Variants in MB21D2 observed in about 807,000 individuals in gnomAD.
The protein encoded by MB21D2 is nucleotidyltransferase MB21D2.
A neutral mutation model predicts 33.3 loss-of-function variants in MB21D2; 9 were observed. The observed-to-expected ratio is 0.27, with a 90% CI of 0.16 to 0.47. MB21D2 has a LOEUF of 0.47. Among genes scored for constraint, MB21D2 ranks in the 20% least tolerant of loss-of-function variants. MB21D2 has a pLI of 0.99. For synonymous variants in MB21D2, 241 were observed against 236.3 expected (o/e 1.02, Z -0.18); for missense variants, 540 against 624.6 (o/e 0.86, Z 1.44).
At chr3:192,839,609 T>A (rs1226096809) in intron 1 of MB21D2, among the ~76,000 whole-genome samples, 2 of 152,212 alleles carry the variant, frequency 1.3e-5, no homozygotes, top group Non-Finnish European at 2.9e-5. Context: ...CATATACATA[T>A]ATGTGTCTGT....
At chr3:192,869,338 G>A (rs13098415) in intron 1 of MB21D2, among the ~76,000 whole-genome samples, 1 of 150,306 alleles carries the variant, frequency 6.7e-6, no homozygotes, top group Admixed American at 6.6e-5. Context: ...GGGAAGGAGG[G>A]AAGGGAGGAA....
At chr3:192,854,859 G>A (rs1449680109) in intron 1 of MB21D2, among the ~76,000 whole-genome samples, 1 of 152,182 alleles carries the variant, frequency 6.6e-6, no homozygotes, top group Non-Finnish European at 1.5e-5. Flanking sequence ...ACAGCGTGGT[G>A]AATTACTGAA....
intron 1 of MB21D2, among the ~76,000 whole-genome samples, chr3:192,905,758 G>A (rs1402829863): frequency 3.3e-5 from 5 of 151,762 alleles, no homozygotes; most frequent in Admixed American, 6.6e-5. Flanking sequence ...GCTTCAGCCC[G>A]GGAGGTTGAG....
rs563175114 is a variant in MB21D2, at chr3:192,814,679, G to A, written c.212-15029C>T. 3.4e-4 allele frequency among the ~76,000 whole-genome samples: 52 copies of A among 151,400 alleles called. 2 individuals are homozygous for A. The South Asian group carries it at 8.5e-3, about 25-fold the overall frequency. ...AGATCGAGACCATCCTGGCTAACACGGTGAAACCCTGTCTCTACTAAAAAA... is the reference window on the plus strand; with the variant it reads ...AGATCGAGACCATCCTGGCTAACACAGTGAAACCCTGTCTCTACTAAAAAA... On this transcript the variant is annotated intron_variant, in intron 1 of 1. Transcript: ENST00000392452.
At chr3:192,870,089 C>T (rs901204001) in intron 1 of MB21D2, among the ~76,000 whole-genome samples, 11 of 152,170 alleles carry the variant, frequency 7.2e-5, no homozygotes, top group Non-Finnish European at 1.0e-4. Context: ...CAACCAAATA[C>T]GGATGCTCTT....
chr3:192,833,859 G>A (rs1712373875), intron 1 of MB21D2, among the ~76,000 whole-genome samples: 1 of 152,072 alleles, frequency 6.6e-6, no homozygotes, highest in African/African-American at 2.4e-5. Context: ...CTCCTTCTAG[G>A]GAAAGGTCTT....
chr3:192,874,720 A>G (rs1203924106), intron 1 of MB21D2, among the ~76,000 whole-genome samples: 1 of 152,180 alleles, frequency 6.6e-6, no homozygotes, highest in Non-Finnish European at 1.5e-5. Flanking sequence ...GCTGGTTTCT[A>G]GTAGCGTCCA....
intron 1 of MB21D2, among the ~76,000 whole-genome samples, chr3:192,856,489 T>C (rs1280527999): frequency 2.0e-5 from 3 of 152,222 alleles, no homozygotes; most frequent in African/African-American, 7.2e-5. Flanking sequence ...CTCATGGCTC[T>C]ACCTCAGCAC....
chr3:192,914,218 C>T (rs970795900), intron 1 of MB21D2, among the ~76,000 whole-genome samples: 1 of 152,184 alleles, frequency 6.6e-6, no homozygotes, highest in Non-Finnish European at 1.5e-5. Context: ...CTTCACCCCA[C>T]TAAATTTCAA....
chr3:192,804,615 G>C (rs777270319), intron 1 of MB21D2, among the ~76,000 whole-genome samples: 1 of 152,102 alleles, frequency 6.6e-6, no homozygotes, highest in African/African-American at 2.4e-5. Flanking sequence ...ATATAAAAGA[G>C]TTTCCTTTTT....
chr3:192,893,764 G>T (rs539223204), intron 1 of MB21D2, among the ~76,000 whole-genome samples: 11 of 152,256 alleles, frequency 7.2e-5, no homozygotes, highest in Non-Finnish European at 1.5e-4. Flanking sequence ...TGGCTGGGGG[G>T]TGGCTCATGT....
At chr3:192,916,159 ATCTC>A (rs1714461707) in intron 1 of MB21D2, among the ~76,000 whole-genome samples, 1 of 150,722 alleles carries the variant, frequency 6.6e-6, no homozygotes, top group African/African-American at 2.5e-5. Context: ...GAACGGCTGA[ATCTC>A]TCAATAGTTT....
At chr3:192,909,718 G>A (rs1714297168) in intron 1 of MB21D2, among the ~76,000 whole-genome samples, 6 of 151,794 alleles carry the variant, frequency 4.0e-5, no homozygotes, top group Admixed American at 3.9e-4. Flanking sequence ...ATCACTCGAG[G>A]TCAGGAGTTC....
chr3:192,804,761 A>C (rs1711628376), intron 1 of MB21D2, among the ~76,000 whole-genome samples: 2 of 152,136 alleles, frequency 1.3e-5, no homozygotes, highest in Non-Finnish European at 2.9e-5. Flanking sequence ...CCCTAGGGTA[A>C]GTCTCCTTGG....
At chr3:192,858,437 C>A (rs1035264095) in intron 1 of MB21D2, among the ~76,000 whole-genome samples, 4 of 152,118 alleles carry the variant, frequency 2.6e-5, no homozygotes, top group Non-Finnish European at 5.9e-5. Flanking sequence ...TATTATAATT[C>A]ATATCTGAAT....
chr3:192,834,126 A>C (rs987548961), intron 1 of MB21D2, among the ~76,000 whole-genome samples: 6 of 152,124 alleles, frequency 3.9e-5, no homozygotes, highest in Admixed American at 3.9e-4. Context: ...CGAGTTCAGC[A>C]ACACTGAGGT....
chr3:192,876,601 T>C (rs1713432179), intron 1 of MB21D2, among the ~76,000 whole-genome samples: 1 of 152,190 alleles, frequency 6.6e-6, no homozygotes, highest in African/African-American at 2.4e-5. Context: ...ATGTTGCCCT[T>C]AGGATAGCGC....
chr3:192,900,714 G>A (rs543554539), intron 1 of MB21D2, among the ~76,000 whole-genome samples: 12 of 152,160 alleles, frequency 7.9e-5, no homozygotes, highest in African/African-American at 2.2e-4. Flanking sequence ...AGGCCGAGGC[G>A]AGCAGAGCAC....
At chr3:192,851,322 G>A (rs1712798572) in intron 1 of MB21D2, among the ~76,000 whole-genome samples, 1 of 152,102 alleles carries the variant, frequency 6.6e-6, no homozygotes. Flanking sequence ...GATTCAGAAA[G>A]GAGATTTGTG....
Sources: gnomAD v4.1 joint callset for allele counts (sites outside exome capture counted in the v4.1 genomes callset) on GRCh38, gnomAD v4.1.1 for gene constraint, MANE v1.5 for transcripts, NCBI Gene and HGNC (gene_info 2026-07-23, HGNC 2026-07-21) for gene names.